The following ABCB11 variants were observed in gnomAD, a reference collection of about 807,000 sequenced individuals.
ABCB11 encodes the protein ATP binding cassette subfamily B member 11, also known as bile salt export pump.
ABCB11 carries 95 observed loss-of-function variants against 148.0 expected under a neutral mutation model. The ratio of observed to expected loss-of-function variants is 0.64; its 90% CI spans 0.54 to 0.76. The LOEUF is 0.76. Ranked by LOEUF, ABCB11 falls within the 30% of genes least tolerant of loss-of-function variation. The pLI, the probability that ABCB11 is intolerant of heterozygous loss-of-function variation, is 0.00. For missense variants in ABCB11, 1,523 were observed against 1,617.8 expected (o/e 0.94, Z 1.01); for synonymous variants, 591 against 555.4 (o/e 1.06, Z -0.90).
intron 12 of ABCB11, among the ~76,000 whole-genome samples, chr2:168,975,181 T>C (rs1693773177): frequency 7.9e-5 from 7 of 88,682 alleles, no homozygotes; most frequent in South Asian, 3.7e-4. Context: ...TATTTATTTA[T>C]AGATAAATAT....
rs748293908 is a variant in ABCB11 at position 168,935,180 on chromosome 2, T to G, written c.3056+4A>C. 1.9e-6 allele frequency: 3 copies of G among 1,613,660 alleles called. No individual in the cohort carries two copies. The highest frequency in any genetic ancestry group is 2.7e-5 in the African/African-American group (2 of 74,934). On this transcript the variant is annotated splice_donor_region_variant and intron_variant, in intron 23 of 27. Transcript: ENST00000650372. ...TTTTCTCACCTTGGCTAGATATTCC[T>G]CACCTGAACACATAGCTGAAATGGA...
intron 16 of ABCB11, among the ~76,000 whole-genome samples, chr2:168,968,913 G>A (rs530706974): frequency 2.6e-5 from 4 of 151,782 alleles, no homozygotes; most frequent in Admixed American, 1.3e-4. Context: ...TAGAGTGGTT[G>A]GTTAATTTAG....
downstream of ABCB11, among the ~76,000 whole-genome samples, chr2:168,916,500 C>T (rs562214770): frequency 2.0e-5 from 3 of 152,308 alleles, no homozygotes; most frequent in South Asian, 4.1e-4. Context: ...CCATACAACT[C>T]GCTAATGAGC....
Position 168,944,583 on chromosome 2 carries a change from T to C in ABCB11, c.2610+22A>G, listed in dbSNP as rs746872311. Reference sequence around the variant, plus strand: ...AATGCCAATGCAGTTAATATACTTCTATTTCCCCTCCCATAGCTCACCCCT... The same window carrying C: ...AATGCCAATGCAGTTAATATACTTCCATTTCCCCTCCCATAGCTCACCCCT... On this transcript the variant is annotated intron_variant, in intron 21 of 27. Transcript: ENST00000650372. The C allele has an allele frequency of 4.5e-6, 7 of 1,570,412 alleles. No individual in the cohort carries two copies. The East Asian group carries it at 1.6e-4, about 35-fold the overall frequency.
intron 1 of ABCB11, among the ~76,000 whole-genome samples, chr2:169,023,294 A>C (rs1373040954): frequency 6.6e-6 from 1 of 152,196 alleles, no homozygotes; most frequent in Admixed American, 6.5e-5. Flanking sequence ...TGCTTTATAC[A>C]TGCTATGCCA....
At chr2:168,945,548 A>AGGAAGGAAG (rs1454936072) in intron 19 of ABCB11, among the ~76,000 whole-genome samples, 1 of 151,662 alleles carries the variant, frequency 6.6e-6, no homozygotes, top group Admixed American at 6.6e-5. Context: ...GAAGGAAGAA[A>AGGAAGGAAG]GGAAGGAAGG....
chr2:168,964,823 T>A (rs1693229369), intron 17 of ABCB11, among the ~76,000 whole-genome samples: 1 of 151,862 alleles, frequency 6.6e-6, no homozygotes, highest in Non-Finnish European at 1.5e-5. Context: ...CATTCAGACA[T>A]GCATGAATGA....
rs912519986 is a variant in ABCB11, at chr2:168,969,506, T to C, written c.1855A>G (p.Thr619Ala). 29 of 1,612,588 alleles carry C rather than the reference T, an allele frequency of 1.8e-5. No individual in the cohort carries two copies. The highest frequency in any genetic ancestry group is 1.1e-4 in the African/African-American group (8 of 74,944). Residue 619 changes from threonine to alanine, a missense_variant, in exon 16 of 28, where the codon ACG becomes GCG. Physicochemically the swap from Thr to Ala is moderately conservative, Grantham distance 58. Transcript: ENST00000650372. ...TIISVAHRLS[T>A]VRAADTIIGF... ...ATGATGGTATCTGCAGCTCTGACCGTAGACAAGCGATGAGCAACTGAAATG... is the reference window on the plus strand; with the variant it reads ...ATGATGGTATCTGCAGCTCTGACCGCAGACAAGCGATGAGCAACTGAAATG...
intron 21 of ABCB11, among the ~76,000 whole-genome samples, chr2:168,939,932 C>T (rs1249849109): frequency 6.6e-6 from 1 of 151,824 alleles, no homozygotes; most frequent in Non-Finnish European, 1.5e-5. Context: ...TTATTATTGC[C>T]ATCGTTTTAG....
intron 19 of ABCB11, among the ~76,000 whole-genome samples, chr2:168,951,331 G>A (rs938820528): frequency 6.6e-6 from 1 of 151,544 alleles, no homozygotes; most frequent in African/African-American, 2.4e-5. Context: ...TGAATCAGTG[G>A]ATTGGTTTGG....
chr2:169,028,847 A>AT (rs1283231774), intron 1 of ABCB11, among the ~76,000 whole-genome samples: 1 of 152,068 alleles, frequency 6.6e-6, no homozygotes. Flanking sequence ...AGGGTTTTGC[A>AT]TTTTCTCTGC....
intron 21 of ABCB11, among the ~76,000 whole-genome samples, chr2:168,938,133 T>C (rs1164009095): frequency 1.3e-5 from 2 of 152,230 alleles, no homozygotes; most frequent in Non-Finnish European, 2.9e-5. Context: ...TTATACTGAA[T>C]TGAAGACACA....
At chr2:168,918,894 C>T (rs968918726), downstream of ABCB11, among the ~76,000 whole-genome samples, 3 of 152,094 alleles carry the variant, frequency 2.0e-5, no homozygotes, top group Non-Finnish European at 2.9e-5. Context: ...ATTTTTGTAA[C>T]TGTACTGCAT....
chr2:168,963,546 C>T (rs1693167600), intron 18 of ABCB11, among the ~76,000 whole-genome samples: 1 of 151,766 alleles, frequency 6.6e-6, no homozygotes, highest in Non-Finnish European at 1.5e-5. Context: ...AGCAGGACAC[C>T]TGCATCCTTA....
At chr2:168,916,243 AT>A (rs1402965146), downstream of ABCB11, among the ~76,000 whole-genome samples, 1 of 152,098 alleles carries the variant, frequency 6.6e-6, no homozygotes, top group Non-Finnish European at 1.5e-5. Flanking sequence ...GAACATTTCC[AT>A]TTCTATCTCC....
At chr2:168,956,808 T>A (rs114691375) in intron 19 of ABCB11, among the ~76,000 whole-genome samples, 3,107 of 151,704 alleles carry the variant, frequency 0.02, 43 homozygotes, top group Admixed American at 0.032. Context: ...CAGCTCTTCA[T>A]GTCAGGGAAA....
chr2:168,935,595 C>G (rs1282093480), intron 22 of ABCB11, among the ~76,000 whole-genome samples, 170 bp from the exon 23 acceptor site: 2 of 152,114 alleles, frequency 1.3e-5, no homozygotes, highest in Non-Finnish European at 2.9e-5. Flanking sequence ...AACTGGACCA[C>G]GAGACAATTT....
chr2:168,966,750 C>T (rs919103472), intron 17 of ABCB11, among the ~76,000 whole-genome samples: 6 of 151,856 alleles, frequency 4.0e-5, no homozygotes, highest in East Asian at 1.9e-4. Flanking sequence ...CATCTTTTAA[C>T]GACAACAAGA....
intron 1 of ABCB11, among the ~76,000 whole-genome samples, chr2:169,021,118 A>G (rs868390542): frequency 2.0e-4 from 30 of 152,046 alleles, no homozygotes; most frequent in African/African-American, 7.2e-4. Context: ...ATGAGCCACC[A>G]TGCCTGGATC....
Sources: allele counts gnomAD v4.1 joint callset (sites outside exome capture counted in the v4.1 genomes callset), GRCh38; gene constraint gnomAD v4.1.1; transcripts MANE v1.5; gene names NCBI Gene and HGNC (gene_info 2026-07-23, HGNC 2026-07-21).